The following PALM2AKAP2 variants were observed in gnomAD, a reference collection of about 807,000 sequenced individuals.
PALM2AKAP2 encodes the protein PALM2-AKAP2 fusion protein.
PALM2AKAP2 carries 37 observed loss-of-function variants against 71.5 expected under a neutral mutation model. The observed-to-expected ratio is 0.52, with a 90% CI of 0.40 to 0.68. The LOEUF is 0.68. PALM2AKAP2 is among the 30% of genes least tolerant of loss of function. The probability of loss-of-function intolerance (pLI) is 0.00; values close to 1 mark genes in which losing one functional copy is unlikely to be tolerated. For synonymous variants in PALM2AKAP2, 468 were observed against 478.8 expected, an observed-to-expected ratio of 0.98 and a Z score of 0.29; for missense variants, 1,224 against 1,191.8, an observed-to-expected ratio of 1.03 and a Z score of -0.40.
intron 1 of PALM2AKAP2, among the ~76,000 whole-genome samples, chr9:109,817,003 A>G (rs1204679306): frequency 1.3e-5 from 2 of 152,350 alleles, no homozygotes; most frequent in East Asian, 3.9e-4. Context: ...GTCTATTTTC[A>G]ACTTTATTCA....
intron 1 of PALM2AKAP2, among the ~76,000 whole-genome samples, chr9:109,745,588 GT>G (rs1828788204): frequency 6.6e-6 from 1 of 151,844 alleles, no homozygotes; most frequent in Admixed American, 6.6e-5. Context: ...CCTGTTTTAG[GT>G]TATTCAAAAT....
At chr9:109,959,079 G>A (rs1012312737) in intron 6 of PALM2AKAP2, among the ~76,000 whole-genome samples, 17 of 152,166 alleles carry the variant, frequency 1.1e-4, no homozygotes, top group African/African-American at 3.9e-4. Context: ...CTGCAGACAC[G>A]TGCCACTGCT....
At chr9:110,063,545 T>A (rs1286774687) in intron 1 of PALM2AKAP2, among the ~76,000 whole-genome samples, 1 of 152,018 alleles carries the variant, frequency 6.6e-6, no homozygotes, top group Non-Finnish European at 1.5e-5. Flanking sequence ...GTTCAAGTGA[T>A]TCTCCTGCCT....
chr9:109,809,977 A>C (rs544658942), intron 1 of PALM2AKAP2, among the ~76,000 whole-genome samples: 1 of 152,344 alleles, frequency 6.6e-6, no homozygotes, highest in East Asian at 1.9e-4. Context: ...TGAGTCAATT[A>C]AACCTCTTTC....
At chr9:110,116,102 G>T (rs1052620071) in intron 1 of PALM2AKAP2, among the ~76,000 whole-genome samples, 2 of 152,026 alleles carry the variant, frequency 1.3e-5, no homozygotes, top group African/African-American at 4.8e-5. Context: ...AGACCCTCAG[G>T]CTCCACCGGA....
intron 1 of PALM2AKAP2, among the ~76,000 whole-genome samples, chr9:109,863,946 GAC>G (rs1045738888): frequency 6.6e-6 from 1 of 152,078 alleles, no homozygotes; most frequent in Non-Finnish European, 1.5e-5. Context: ...CAAGCGTGGT[GAC>G]ACACACCTGT....
At chr9:109,788,403 C>A (rs2118850622) in intron 1 of PALM2AKAP2, among the ~76,000 whole-genome samples, 1 of 152,294 alleles carries the variant, frequency 6.6e-6, no homozygotes, top group African/African-American at 2.4e-5. Flanking sequence ...ATGTTTTTGT[C>A]ATATATGGTA....
chr9:109,673,621 C>T (rs1178514337), intron 1 of PALM2AKAP2, among the ~76,000 whole-genome samples: 1 of 152,016 alleles, frequency 6.6e-6, no homozygotes, highest in Non-Finnish European at 1.5e-5. Flanking sequence ...TCCATTTAAT[C>T]GAGTGCTGAG....
chr9:109,996,512 G>T (rs552550070), intron 6 of PALM2AKAP2, among the ~76,000 whole-genome samples: 42 of 152,350 alleles, frequency 2.8e-4, no homozygotes, highest in African/African-American at 8.9e-4. Context: ...CAAGGGTCCT[G>T]TAAAACTCAT....
At chr9:109,782,628 A>G (rs1826840393) in intron 1 of PALM2AKAP2, among the ~76,000 whole-genome samples, 1 of 152,082 alleles carries the variant, frequency 6.6e-6, no homozygotes, top group African/African-American at 2.4e-5. Context: ...TTTTATAGGG[A>G]CTTGAGCATC....
intron 1 of PALM2AKAP2, among the ~76,000 whole-genome samples, chr9:109,726,155 G>C (rs1828473131): frequency 6.6e-6 from 1 of 152,200 alleles, no homozygotes; most frequent in African/African-American, 2.4e-5. Flanking sequence ...ATAGAAGCCA[G>C]ACTCTTTTTA....
intron 1 of PALM2AKAP2, among the ~76,000 whole-genome samples, chr9:109,689,818 C>T (rs950807782): frequency 1.3e-5 from 2 of 152,130 alleles, no homozygotes; most frequent in South Asian, 2.1e-4. Context: ...GTAAACTTCA[C>T]GTTCTCTATG....
At chr9:109,781,665 T>C (rs1036162798) in intron 1 of PALM2AKAP2, among the ~76,000 whole-genome samples, 1 of 152,244 alleles carries the variant, frequency 6.6e-6, no homozygotes, top group Admixed American at 6.5e-5. Flanking sequence ...GAGACCCTCT[T>C]TCTCAAACGC....
At chr9:110,168,528 G>C (rs1836790360) in exon 4 of PALM2AKAP2, 1 of 1,602,740 alleles carries the variant, frequency 6.2e-7, no homozygotes, top group Non-Finnish European at 8.5e-7. Flanking sequence ...CGTCTTTGGT[G>C]CTTGGGAGAC....
intron 1 of PALM2AKAP2, among the ~76,000 whole-genome samples, chr9:109,667,554 T>C (rs932551331): frequency 2.1e-4 from 32 of 151,376 alleles, no homozygotes; most frequent in African/African-American, 7.5e-4. Flanking sequence ...CTTTGGGAGG[T>C]CAAGGCAGGT....
intron 1 of PALM2AKAP2, among the ~76,000 whole-genome samples, chr9:109,790,360 T>G (rs1827082931): frequency 6.6e-6 from 1 of 152,234 alleles, no homozygotes; most frequent in Non-Finnish European, 1.5e-5. Flanking sequence ...TCTGCTAAAT[T>G]ATAACCAGTC....
At chr9:109,683,402 T>G (rs1369846974) in intron 1 of PALM2AKAP2, among the ~76,000 whole-genome samples, 2 of 152,058 alleles carry the variant, frequency 1.3e-5, no homozygotes, top group African/African-American at 4.8e-5. Context: ...CATGTGGAAA[T>G]GGAGGCAGAG....
At chr9:109,915,311 G>A (rs933730139) in intron 3 of PALM2AKAP2, among the ~76,000 whole-genome samples, 3 of 152,230 alleles carry the variant, frequency 2.0e-5, no homozygotes, top group African/African-American at 7.2e-5. Flanking sequence ...TAATCGTTGG[G>A]TGGAGGACAG....
chr9:109,744,866 A>G (rs1213906688), intron 1 of PALM2AKAP2, among the ~76,000 whole-genome samples: 1 of 152,152 alleles, frequency 6.6e-6, no homozygotes, highest in Non-Finnish European at 1.5e-5. Flanking sequence ...AGGACCCTCC[A>G]ACCTCCCAGC....
Sources: gnomAD v4.1 joint callset for allele counts (sites outside exome capture counted in the v4.1 genomes callset) on GRCh38, gnomAD v4.1.1 for gene constraint, MANE v1.5 for transcripts, NCBI Gene and HGNC (gene_info 2026-07-23, HGNC 2026-07-21) for gene names.